Variants in ANKRD30A observed in about 807,000 individuals in gnomAD.
The protein encoded by ANKRD30A is ankyrin repeat domain-containing protein 30A.
ANKRD30A carries 170 observed loss-of-function variants against 166.3 expected under a neutral mutation model. That is an observed-to-expected ratio of 1.02 (90% confidence interval 0.90 to 1.16). The LOEUF is 1.16. Among genes scored for constraint, ANKRD30A ranks in the 50% most tolerant of loss-of-function variants. The pLI is 0.00. For missense variants in ANKRD30A, 1,630 were observed against 1,518.0 expected (o/e 1.07, Z -1.23); for synonymous variants, 564 against 508.9 (o/e 1.11, Z -1.46).
chr10:37,224,933 G>A (rs1265685157), intron 34 of ANKRD30A, among the ~76,000 whole-genome samples: 1 of 151,372 alleles, frequency 6.6e-6, no homozygotes, highest in Non-Finnish European at 1.5e-5. Flanking sequence ...ACAGACTGTG[G>A]TCAAAAGGTA....
At chr10:37,215,196 C>A (rs186093927) in intron 31 of ANKRD30A, among the ~76,000 whole-genome samples, 111 of 151,550 alleles carry the variant, frequency 7.3e-4, no homozygotes, top group Non-Finnish European at 1.1e-3. Context: ...ACTCCCCACA[C>A]CTGAGGGGCA....
chr10:37,149,554 C>T lies in ANKRD30A; in HGVS notation c.1544-97C>T, dbSNP rs139147209. ...AATCTAAAGTATTCGTTCTCAAAGTCGACCAAGAGGAATCAGTTACATACT... is the reference window on the plus strand; with the variant it reads ...AATCTAAAGTATTCGTTCTCAAAGTTGACCAAGAGGAATCAGTTACATACT... On this transcript the variant is annotated intron_variant, in intron 9 of 35. Transcript: ENST00000361713. 749 of 1,417,994 alleles carry T rather than the reference C, an allele frequency of 5.3e-4. 5 individuals are homozygous for T. The African/African-American group carries it at 9.6e-3, about 18-fold the overall frequency. 87.8% of individuals were successfully genotyped at this position (1,417,994 alleles called of 1,614,324 possible).
downstream of ANKRD30A, chr10:37,232,697 T>TATAGAGAGAGAGAGAGAGAGAGAGAG: frequency 1.3e-5 from 1 of 78,406 alleles, no homozygotes; most frequent in African/African-American, 4.9e-5. Context: ...TATATATAAA[T>TATAGAGAGAGAGAGAGAGAGAGAGAG]AGAGAGAGAG....
the ANKRD30A span, among the ~76,000 whole-genome samples, chr10:37,244,134 G>A: frequency 1.3e-5 from 2 of 152,154 alleles, no homozygotes; most frequent in African/African-American, 4.8e-5. Context: ...GATGGCAGGA[G>A]CTTCTCCTGG....
At chr10:37,202,045 G>C (rs1253473808) in intron 31 of ANKRD30A, among the ~76,000 whole-genome samples, 1 of 152,102 alleles carries the variant, frequency 6.6e-6, no homozygotes. Flanking sequence ...GCTGATGCTG[G>C]TGGTCCTTGT....
In ANKRD30A at chr10:37,216,414, A is replaced by C; in HGVS notation, c.3083+20A>C. 1.9e-6 allele frequency: 3 copies of C among 1,564,212 alleles called. No individual in the cohort carries two copies. Among genetic ancestry groups the C allele is most frequent in the Non-Finnish European group, 2.6e-6 (3 of 1,157,068 alleles). ...TGTGAGGTGTGATTTCCTAGTTTTA[A>C]ATAAATATTTCAGCTATTTATACTA... On this transcript the variant is annotated intron_variant, in intron 32 of 35. Transcript: ENST00000361713.
intron 9 of ANKRD30A, 96 bp from the exon 10 acceptor site, chr10:37,149,555 G>T (rs765467120): frequency 2.8e-6 from 4 of 1,424,192 alleles, no homozygotes; most frequent in South Asian, 2.5e-5. Flanking sequence ...TCTCAAAGTC[G>T]ACCAAGAGGA....
At chr10:37,194,146 G>T (rs1451640502) in intron 27 of ANKRD30A, among the ~76,000 whole-genome samples, 3 of 152,022 alleles carry the variant, frequency 2.0e-5, no homozygotes, top group Non-Finnish European at 4.4e-5. Flanking sequence ...CATGAGCCGA[G>T]CTTGTGCCAC....
intron 9 of ANKRD30A, among the ~76,000 whole-genome samples, chr10:37,149,404 T>G (rs985501500): frequency 2.0e-5 from 3 of 152,074 alleles, no homozygotes; most frequent in Admixed American, 2.0e-4. Context: ...TCAACCCTTT[T>G]TACACGTGAA....
chr10:37,152,160 G>T (rs758153783), intron 12 of ANKRD30A, 39 bp downstream of exon 12: 15 of 1,485,692 alleles, frequency 1.0e-5, no homozygotes, highest in South Asian at 7.1e-5. Flanking sequence ...TATTAGTATT[G>T]CATGATATGA....
chr10:37,183,420 A>C (rs1840169182), intron 24 of ANKRD30A, among the ~76,000 whole-genome samples: 1 of 146,626 alleles, frequency 6.8e-6, no homozygotes, highest in African/African-American at 2.5e-5. Flanking sequence ...AAAATGCATA[A>C]GGTTTTAAAG....
intron 31 of ANKRD30A, among the ~76,000 whole-genome samples, chr10:37,209,491 T>C (rs147290725): frequency 1.9e-4 from 29 of 152,186 alleles, no homozygotes; most frequent in African/African-American, 7.0e-4. Flanking sequence ...CTATTGTGAG[T>C]ACAGCACCAA....
Position 37,141,986 on chromosome 10 carries a change from T to C in ANKRD30A, c.1089T>C (p.Ser363=), listed in dbSNP as rs78606913. The C allele has an allele frequency of 6.4e-7, 1 of 1,558,970 alleles. No individual in the cohort carries two copies. The highest frequency in any genetic ancestry group is 1.6e-5 in the African/African-American group (1 of 61,352). Residue 363 remains serine, a synonymous_variant, in exon 7 of 36, where the codon AGT becomes AGC. Coordinates refer to ENST00000361713, the MANE Select transcript of ANKRD30A (RefSeq NM_052997.3). ...AAGAAACACCTAGGGAAATTACGAG[T>C]CCTGCAAAAGAAACATCTGAGAAAT... is the stretch of plus-strand genomic sequence containing the variant. ...SAEETPREIT[S]PAKETSEKFT...
At chr10:37,237,861 A>G in the ANKRD30A span, among the ~76,000 whole-genome samples, 1 of 152,320 alleles carries the variant, frequency 6.6e-6, no homozygotes, top group South Asian at 2.1e-4. Context: ...TGTACCAGGT[A>G]CTGTATGTGG....
downstream of ANKRD30A, chr10:37,232,654 T>TTATTTATATATATATATA (rs1843466959): frequency 1.8e-5 from 1 of 54,214 alleles, no homozygotes; most frequent in Non-Finnish European, 3.5e-5. Context: ...AGCATTGGTT[T>TTATTTATATATATATATA]TATATATATA....
Position 37,158,426 on chromosome 10 carries a change from A to G in ANKRD30A, c.1827+6A>G, listed in dbSNP as rs1010189849. ...ATAAAGATGGTCTTCTGAAGGTAAT[A>G]ACTTTTATATTTTTGTCTTGAGTAT... On this transcript the variant is annotated splice_donor_region_variant and intron_variant, in intron 14 of 35. Coordinates refer to ENST00000361713, the MANE Select transcript of ANKRD30A (RefSeq NM_052997.3). The G allele has an allele frequency of 3.1e-6, 5 of 1,611,564 alleles. No individual in the cohort carries two copies. The African/African-American group carries it at 4.0e-5, about 13-fold the overall frequency.
intron 24 of ANKRD30A, chr10:37,184,332 T>G (rs1447997934): frequency 6.1e-5 from 2 of 32,820 alleles, no homozygotes; most frequent in East Asian, 4.1e-4. Flanking sequence ...GAGTTAGAGG[T>G]TTTTTTTTAA....
At chr10:37,212,204 A>G (rs1042413450) in intron 31 of ANKRD30A, among the ~76,000 whole-genome samples, 1 of 152,102 alleles carries the variant, frequency 6.6e-6, no homozygotes, top group Non-Finnish European at 1.5e-5. Context: ...CAAAAATCAC[A>G]AGCATTGTTA....
rs541729693 is a variant in ANKRD30A, at chr10:37,136,641, T to A, written c.790T>A (p.Leu264Ile). The change falls in exon 6 of 36, where the codon TTA becomes ATA. Residue 264 changes from leucine (L) to isoleucine (I), a missense_variant. By Grantham distance (5) the Leu-to-Ile change is conservative (BLOSUM62 2). Transcript: ENST00000361713. ...ACAAATTATGGAATATATACGAAAA[T>A]TATCTAAAAATCATCAAAATACCAA... is the stretch of plus-strand genomic sequence containing the variant. The part of the protein sequence containing the change: ...HEQIMEYIRK[L>I]SKNHQNTNPE... 3.2e-5 allele frequency: 45 copies of A among 1,421,310 alleles called. No homozygotes were observed. Among genetic ancestry groups the A allele is most frequent in the Middle Eastern group, 1.8e-4 (1 of 5,610 alleles). The allele number at this position is 1,421,310 out of a possible 1,614,324, so 88.0% of individuals were successfully genotyped here. A position where few individuals can be genotyped will look rare whatever the true frequency, so the allele number is the denominator to read the frequency against.
Sources: gnomAD v4.1 joint callset for allele counts (sites outside exome capture counted in the v4.1 genomes callset) on GRCh38, gnomAD v4.1.1 for gene constraint, MANE v1.5 for transcripts, NCBI Gene and HGNC (gene_info 2026-07-23, HGNC 2026-07-21) for gene names.